Variants in LRRC37A2 observed in about 807,000 individuals in gnomAD.
The protein encoded by LRRC37A2 is leucine rich repeat containing 37 member A2.
In LRRC37A2, 9 loss-of-function variants were observed where a neutral mutation model predicts 68.8. The observed-to-expected ratio is 0.13, with a 90% CI of 0.08 to 0.23. LRRC37A2 has a LOEUF of 0.23. Ranked by LOEUF, LRRC37A2 falls within the 10% of genes least tolerant of loss-of-function variation. The pLI is 1.00. For synonymous variants in LRRC37A2, 63 were observed against 367.6 expected, an observed-to-expected ratio of 0.17 and a Z score of 9.48; for missense variants, 168 against 950.4, an observed-to-expected ratio of 0.18 and a Z score of 10.82.
At chr17:46,417,025 G>C in the LRRC37A2 span, among the ~76,000 whole-genome samples, 1 of 149,910 alleles carries the variant, frequency 6.7e-6, no homozygotes, top group African/African-American at 2.5e-5. Flanking sequence ...TTGAACCCGG[G>C]AGGTGGAGGT....
chr17:46,478,072 C>A, the LRRC37A2 span, among the ~76,000 whole-genome samples: 2 of 104,880 alleles, frequency 1.9e-5, no homozygotes, highest in Admixed American at 1.9e-4. Flanking sequence ...TGCCCTAGGT[C>A]AAGTCACTTG....
chr17:46,938,210 A>T, the LRRC37A2 span, among the ~76,000 whole-genome samples: 1 of 151,710 alleles, frequency 6.6e-6, no homozygotes, highest in Admixed American at 6.6e-5. Flanking sequence ...TAGAAGCTTT[A>T]ATTGTGGCTT....
the LRRC37A2 span, among the ~76,000 whole-genome samples, chr17:46,971,887 C>T: frequency 1.4e-3 from 208 of 152,366 alleles, no homozygotes; most frequent in African/African-American, 4.8e-3. Flanking sequence ...GCACCTCTCC[C>T]TCCCCGGCAA....
the LRRC37A2 span, among the ~76,000 whole-genome samples, chr17:46,900,220 C>CACACAT: frequency 9.0e-5 from 11 of 122,186 alleles, no homozygotes; most frequent in African/African-American, 3.4e-4. Context: ...CACACACACA[C>CACACAT]ATATATATAT....
chr17:46,498,716 A>G, the LRRC37A2 span, among the ~76,000 whole-genome samples: 2 of 144,324 alleles, frequency 1.4e-5, no homozygotes, highest in Admixed American at 1.4e-4. Flanking sequence ...GGAAAATTAT[A>G]CCAGTGGTAA....
chr17:47,037,990 T>C, the LRRC37A2 span, among the ~76,000 whole-genome samples: 31 of 150,252 alleles, frequency 2.1e-4, no homozygotes, highest in East Asian at 6.0e-3. Flanking sequence ...TCCCCTCTCA[T>C]TTCTAATTTT....
the LRRC37A2 span, among the ~76,000 whole-genome samples, chr17:47,020,760 T>C: frequency 1.7e-4 from 11 of 63,602 alleles, no homozygotes; most frequent in East Asian, 4.1e-4. Flanking sequence ...CCAGCCTGGG[T>C]GACAGAGCAA....
the LRRC37A2 span, among the ~76,000 whole-genome samples, chr17:46,912,276 T>C: frequency 6.6e-5 from 10 of 152,154 alleles, no homozygotes; most frequent in Non-Finnish European, 1.3e-4. Flanking sequence ...CTAATGACCA[T>C]GGGAATCATT....
At chr17:46,773,619 T>TCCCGG in the LRRC37A2 span, 1 of 549,848 alleles carries the variant, frequency 1.8e-6, no homozygotes, top group Non-Finnish European at 3.2e-6. Flanking sequence ...ACAGTCCTGA[T>TCCCGG]CCCTCCCCCC....
the LRRC37A2 span, among the ~76,000 whole-genome samples, chr17:47,013,863 G>A: frequency 8.5e-5 from 13 of 152,296 alleles, no homozygotes; most frequent in South Asian, 4.1e-4. Context: ...GGCTGGGCGC[G>A]GTGGCTCACA....
chr17:46,469,782 T>C, the LRRC37A2 span, among the ~76,000 whole-genome samples: 2 of 65,982 alleles, frequency 3.0e-5, 1 homozygote, highest in Admixed American at 3.0e-4. Context: ...TTTTCTTCAC[T>C]GTCAGTCTTC....
the LRRC37A2 span, chr17:46,916,710 TGTCTTA>T: frequency 2.6e-5 from 4 of 152,226 alleles, no homozygotes; most frequent in African/African-American, 9.6e-5. Context: ...CACAACCAGC[TGTCTTA>T]GTCTATTTTC....
chr17:46,965,035 C>T, the LRRC37A2 span: 2 of 152,204 alleles, frequency 1.3e-5, no homozygotes, highest in Non-Finnish European at 2.9e-5. Flanking sequence ...GTTTTTCACC[C>T]TCCGGTAAGT....
the LRRC37A2 span, among the ~76,000 whole-genome samples, chr17:46,775,511 G>T: frequency 1.3e-5 from 2 of 152,112 alleles, no homozygotes; most frequent in African/African-American, 4.8e-5. Flanking sequence ...AGGAACTGAG[G>T]AGCCAGATCT....
the LRRC37A2 span, among the ~76,000 whole-genome samples, chr17:46,883,137 C>A: frequency 2.0e-5 from 3 of 152,030 alleles, no homozygotes; most frequent in Non-Finnish European, 4.4e-5. Context: ...CGCCACCACG[C>A]CCGGCTAATT....
At chr17:46,900,465 G>T in the LRRC37A2 span, among the ~76,000 whole-genome samples, 1 of 152,032 alleles carries the variant, frequency 6.6e-6, no homozygotes, top group African/African-American at 2.4e-5. Flanking sequence ...GGCCAGGCTG[G>T]TTTCCAACTC....
At chr17:46,831,746 T>G in the LRRC37A2 span, among the ~76,000 whole-genome samples, 1 of 152,234 alleles carries the variant, frequency 6.6e-6, no homozygotes, top group Non-Finnish European at 1.5e-5. Context: ...GGGTTCCAGC[T>G]TCAGCTTTCT....
At chr17:46,876,646 G>C in the LRRC37A2 span, 1 of 1,607,352 alleles carries the variant, frequency 6.2e-7, no homozygotes, top group Non-Finnish European at 8.5e-7. Flanking sequence ...GCCACTGCCA[G>C]GTGCAGTGGT....
chr17:46,548,677 A>G, exon 10 of LRRC37A2: 1 of 1,608,216 alleles, frequency 6.2e-7, no homozygotes, highest in Non-Finnish European at 8.5e-7. Flanking sequence ...AAGGCACTTC[A>G]AAGAGGTAGG....
Sources: gnomAD v4.1 joint callset for allele counts (sites outside exome capture counted in the v4.1 genomes callset) on GRCh38, gnomAD v4.1.1 for gene constraint, MANE v1.5 for transcripts, NCBI Gene and HGNC (gene_info 2026-07-23, HGNC 2026-07-21) for gene names.